Variants in JARID2 observed in about 807,000 individuals in gnomAD.
JARID2 encodes protein Jumonji.
A neutral mutation model predicts 125.6 loss-of-function variants in JARID2; 21 were observed. That is an observed-to-expected ratio of 0.17 (90% CI 0.12 to 0.24). The LOEUF (loss-of-function observed/expected upper bound fraction) is 0.24. Ranked by LOEUF, JARID2 falls within the 10% of genes least tolerant of loss-of-function variation. The probability of loss-of-function intolerance (pLI) is 1.00; values close to 1 mark genes in which losing one functional copy is unlikely to be tolerated. For synonymous variants in JARID2, 736 were observed against 661.6 expected (o/e 1.11, Z -1.73); for missense variants, 1,303 against 1,639.6 (o/e 0.79, Z 3.55).
chr6:15,477,543 T>C (rs1311748877), intron 5 of JARID2, among the ~76,000 whole-genome samples: 1 of 146,784 alleles, frequency 6.8e-6, no homozygotes, highest in Non-Finnish European at 1.5e-5. Flanking sequence ...GTAATACATG[T>C]AGAGAGACCA....
intron 3 of JARID2, among the ~76,000 whole-genome samples, chr6:15,448,513 A>G (rs1767775114): frequency 1.3e-5 from 2 of 152,248 alleles, no homozygotes; most frequent in Admixed American, 1.3e-4. Context: ...CAATATTTCT[A>G]TAAAATTCCT....
At chr6:15,344,449 GCT>G (rs770369764) in intron 1 of JARID2, among the ~76,000 whole-genome samples, 25 of 151,670 alleles carry the variant, frequency 1.6e-4, no homozygotes, top group Non-Finnish European at 3.5e-4. Flanking sequence ...TAAAGTCTGA[GCT>G]CTCTGGTTTA....
At chr6:15,514,206 G>C (rs1054886850) in intron 16 of JARID2, among the ~76,000 whole-genome samples, 1 of 152,166 alleles carries the variant, frequency 6.6e-6, no homozygotes, top group Non-Finnish European at 1.5e-5. Context: ...GTCTCCCCTT[G>C]ACCTCTCACC....
At chr6:15,389,500 A>C (rs749439333) in intron 2 of JARID2, among the ~76,000 whole-genome samples, 3 of 152,192 alleles carry the variant, frequency 2.0e-5, no homozygotes, top group African/African-American at 7.2e-5. Flanking sequence ...ATTTAGAAGA[A>C]TGCATCTAGA....
intron 1 of JARID2, among the ~76,000 whole-genome samples, chr6:15,273,282 G>C (rs572683100): frequency 5.1e-4 from 77 of 152,284 alleles, no homozygotes; most frequent in African/African-American, 1.6e-3. Flanking sequence ...GAATTTAATA[G>C]CCAAATGATG....
intron 1 of JARID2, among the ~76,000 whole-genome samples, chr6:15,318,326 T>C (rs1281719305): frequency 1.3e-5 from 2 of 152,150 alleles, no homozygotes; most frequent in East Asian, 3.8e-4. Context: ...GCATGTTAGA[T>C]GTAGGCAATT....
chr6:15,321,708 C>T lies in JARID2; in HGVS notation c.46-52409C>T, dbSNP rs1372639080. On this transcript the variant is annotated intron_variant, in intron 1 of 17. Coordinates refer to ENST00000341776, the MANE Select transcript of JARID2 (RefSeq NM_004973.4). ...CAAGAACAAACAACAGAAATGCTTT[C>T]TTTGAAGATATGAGACTTCAATAAT... Among the ~76,000 whole-genome samples, 6 of 146,420 alleles carry T rather than the reference C, an allele frequency of 4.1e-5. No homozygotes were observed. In the South Asian group the frequency reaches 6.6e-4, roughly 16 times the overall value.
intron 2 of JARID2, among the ~76,000 whole-genome samples, chr6:15,392,208 T>A (rs1490638636): frequency 6.6e-6 from 1 of 152,172 alleles, no homozygotes; most frequent in Non-Finnish European, 1.5e-5. Context: ...TAAAACCATT[T>A]CTAATAAAAA....
intron 3 of JARID2, among the ~76,000 whole-genome samples, chr6:15,436,783 G>T (rs1247177876): frequency 1.3e-5 from 2 of 151,804 alleles, no homozygotes; most frequent in African/African-American, 2.4e-5. Flanking sequence ...CTAGTGGTGT[G>T]GACTCCTGCT....
intron 1 of JARID2, among the ~76,000 whole-genome samples, chr6:15,280,974 T>C (rs1214392840): frequency 2.6e-5 from 4 of 152,180 alleles, no homozygotes; most frequent in South Asian, 2.1e-4. Context: ...TTTTGTCTTA[T>C]GCTGCAAAAT....
At chr6:15,326,843 C>A (rs1762549095) in intron 1 of JARID2, among the ~76,000 whole-genome samples, 1 of 152,266 alleles carries the variant, frequency 6.6e-6, no homozygotes, top group Admixed American at 6.5e-5. Flanking sequence ...TTAGAGAAAA[C>A]ATACCCATGA....
At chr6:15,356,526 A>C (rs900429043) in intron 1 of JARID2, among the ~76,000 whole-genome samples, 5 of 152,128 alleles carry the variant, frequency 3.3e-5, no homozygotes, top group African/African-American at 1.2e-4. Flanking sequence ...CACGTAGTAC[A>C]TTGTGTTTCA....
At chr6:15,248,781 C>T (rs1458621351) in intron 1 of JARID2, 1 of 307,194 alleles carries the variant, frequency 3.3e-6, no homozygotes, top group Non-Finnish European at 4.8e-6. Context: ...GGAACCTTCC[C>T]CTCCTCCTCC....
chr6:15,446,850 G>A (rs1007760708), intron 3 of JARID2, among the ~76,000 whole-genome samples: 2 of 152,184 alleles, frequency 1.3e-5, no homozygotes, highest in African/African-American at 2.4e-5. Context: ...AACCTGCCAC[G>A]TGGAGGTGGC....
intron 1 of JARID2, among the ~76,000 whole-genome samples, chr6:15,344,267 T>C (rs1367124546): frequency 6.6e-6 from 1 of 152,038 alleles, no homozygotes; most frequent in Non-Finnish European, 1.5e-5. Context: ...CTTGAGTGGG[T>C]ATAATTTCCT....
chr6:15,366,518 C>CGG (rs1367437795), intron 1 of JARID2, among the ~76,000 whole-genome samples: 158 of 14,422 alleles, frequency 0.011, 2 homozygotes, highest in African/African-American at 0.017. Context: ...GCGGGGGGGG[C>CGG]GGGGGGGGTG....
intron 1 of JARID2, among the ~76,000 whole-genome samples, chr6:15,314,511 G>A (rs1347038120): frequency 6.6e-6 from 1 of 152,226 alleles, no homozygotes; most frequent in Admixed American, 6.5e-5. Context: ...GATTTGTGGT[G>A]TTAGAGTTCT....
At chr6:15,305,755 C>G (rs1159161097) in intron 1 of JARID2, among the ~76,000 whole-genome samples, 1 of 152,152 alleles carries the variant, frequency 6.6e-6, no homozygotes, top group African/African-American at 2.4e-5. Context: ...TGGAGCACCC[C>G]TCCAATATCT....
At chr6:15,457,174 A>G (rs549821291) in intron 4 of JARID2, among the ~76,000 whole-genome samples, 1 of 152,294 alleles carries the variant, frequency 6.6e-6, no homozygotes, top group South Asian at 2.1e-4. Context: ...TTAATAGCTT[A>G]TGTTCCATTT....
Sources: gnomAD v4.1 joint callset for allele counts (sites outside exome capture counted in the v4.1 genomes callset) on GRCh38, gnomAD v4.1.1 for gene constraint, MANE v1.5 for transcripts, NCBI Gene and HGNC (gene_info 2026-07-23, HGNC 2026-07-21) for gene names.